MYO15A: variants seen among roughly 807,000 people sequenced by gnomAD.
The protein encoded by MYO15A is unconventional myosin-XV.
MYO15A carries 308 observed loss-of-function variants against 394.6 expected under a neutral mutation model. That is an observed-to-expected ratio of 0.78 (90% CI 0.71 to 0.86). The LOEUF (loss-of-function observed/expected upper bound fraction) is 0.86, where lower values mean the gene tolerates loss of function less well. Among genes scored for constraint, MYO15A ranks in the 40% least tolerant of loss-of-function variants. The probability of loss-of-function intolerance (pLI) is 0.00; values close to 1 mark genes in which losing one functional copy is unlikely to be tolerated. For missense variants in MYO15A, 4,606 were observed against 4,799.1 expected (o/e 0.96, Z 1.19); for synonymous variants, 1,957 against 2,003.8 (o/e 0.98, Z 0.62).
At position 18,121,567 on chromosome 17, in the gene MYO15A, C is replaced by T; in HGVS notation, c.2767C>T (p.Pro923Ser). The T allele has an allele frequency of 6.3e-7, 1 of 1,589,188 alleles. No individual in the cohort carries two copies. The highest frequency in any genetic ancestry group is 8.6e-7 in the Non-Finnish European group (1 of 1,167,912). Residue 923 changes from proline to serine, a missense_variant, in exon 2 of 66, where the codon CCC (proline) becomes TCC (serine). By Grantham distance (74) the Pro-to-Ser change is moderately conservative. Transcript: ENST00000647165. The surrounding 1 kb of genome is among the most constrained non-coding windows in gnomAD (Gnocchi z 5.3). ...PEDSETPWTV[P>S]PLAPSWDVDM... ...GGACTCAGAGACGCCCTGGACTGTGCCCCCACTGGCCCCCAGCTGGGACGT... is the reference window on the plus strand; with the variant it reads ...GGACTCAGAGACGCCCTGGACTGTGTCCCCACTGGCCCCCAGCTGGGACGT...
At chr17:18,123,790 A>G (rs2045982476) in intron 2 of MYO15A, 1 of 157,230 alleles carries the variant, frequency 6.4e-6, no homozygotes, top group East Asian at 1.8e-4. Context: ...CCTGCAGCCC[A>G]AAGGTGGCAT....
In MYO15A at chr17:18,148,134, C is replaced by T; in HGVS notation, c.6615C>T (p.Thr2205=). ...AGCAGGGCTCGGGGGCTGCCCGCAC[C>T]TTACCCCCGACCCAGCTCGAGTGGA... is the stretch of plus-strand genomic sequence containing the variant. ...AQQQGSGAAR[T]LPPTQLEWTA... The change falls in exon 31 of 66, where the codon ACC becomes ACT. Residue 2205 remains threonine (T), a synonymous_variant. Coordinates refer to ENST00000647165, the MANE Select transcript of MYO15A (RefSeq NM_016239.4). This position sits in a 1 kb window ranked among gnomAD's most constrained non-coding sequence, Gnocchi z 4.8. 3 of 1,613,868 alleles carry T rather than the reference C, an allele frequency of 1.9e-6. No individual in the cohort carries two copies. The highest frequency in any genetic ancestry group is 2.5e-6 in the Non-Finnish European group (3 of 1,180,032).
At chr17:18,123,314 C>A (rs1396770321) in intron 2 of MYO15A, 1 of 152,268 alleles carries the variant, frequency 6.6e-6, no homozygotes, top group African/African-American at 2.4e-5. Flanking sequence ...GCTGTGTGGG[C>A]TGCAGCGTTG....
intron 1 of MYO15A, among the ~76,000 whole-genome samples, chr17:18,114,105 TC>T (rs2045756096): frequency 6.6e-6 from 1 of 152,110 alleles, no homozygotes; most frequent in African/African-American, 2.4e-5. Context: ...CTTCCTTCCC[TC>T]CCTCTTGTCC....
chr17:18,158,347 G>A, intron 51 of MYO15A, 176 bp from the exon 52 acceptor site: 1 of 628,118 alleles, frequency 1.6e-6, no homozygotes, highest in Non-Finnish European at 2.8e-6. Context: ...CAAGTAAAAG[G>A]CGTGGGCGGG....
At chr17:18,159,093 G>C in intron 53 of MYO15A, 96 bp downstream of exon 53, 1 of 1,435,820 alleles carries the variant, frequency 7.0e-7, no homozygotes, top group Non-Finnish European at 9.6e-7. Flanking sequence ...TTCTCAGTGA[G>C]ACCCTCTGAT....
chr17:18,153,814 C>A lies in MYO15A; in HGVS notation c.8006C>A (p.Thr2669Lys), dbSNP rs766381236. ...TCGCTGGAGCCCCCTGAGGAACTCA[C>A]GCAGACGCGGCTGCACCGCCTCATC... is the stretch of plus-strand genomic sequence containing the variant. The part of the protein sequence containing the change: ...SRSLEPPEEL[T>K]QTRLHRLINP... The change falls in exon 43 of 66, where the codon ACG becomes AAG. Residue 2669 changes from threonine to lysine, a missense_variant. Physicochemically the swap from Thr to Lys is moderately conservative, Grantham distance 78. Around this residue, in one of 2 missense-constraint regions of MYO15A, gnomAD observed 2,776 missense variants for 3,109.3 expected, o/e 0.89. Transcript: ENST00000647165. The surrounding 1 kb of genome is among the most constrained non-coding windows in gnomAD (Gnocchi z 4.1). 3.1e-6 allele frequency: 5 copies of A among 1,613,800 alleles called. No individual in the cohort carries two copies. Among genetic ancestry groups the A allele is most frequent in the Non-Finnish European group, 4.2e-6 (5 of 1,180,026 alleles).
chr17:18,132,489 T>C lies in MYO15A; in HGVS notation c.4243T>C (p.Leu1415=). The C allele has an allele frequency of 1.2e-6, 2 of 1,613,964 alleles. No homozygotes were observed. Among genetic ancestry groups the C allele is most frequent in the Non-Finnish European group, 1.7e-6 (2 of 1,180,030 alleles). Residue 1415 remains leucine (L), a synonymous_variant, in exon 11 of 66, where the codon TTG becomes CTG. Transcript: ENST00000647165. This position sits in a 1 kb window ranked among gnomAD's most constrained non-coding sequence, Gnocchi z 4.6. ...GAGGAATTACCACATCTTCTACGAGTTGCTGGCCGGGTTGCCTGCCCAGCT... is the reference window on the plus strand; with the variant it reads ...GAGGAATTACCACATCTTCTACGAGCTGCTGGCCGGGTTGCCTGCCCAGCT... ...NERNYHIFYE[L]LAGLPAQLRQ...
At chr17:18,178,635 G>A in intron 65 of MYO15A, 134 bp from the exon 66 acceptor site, 1 of 857,408 alleles carries the variant, frequency 1.2e-6, no homozygotes, top group Admixed American at 2.0e-5. Flanking sequence ...CCCTGGGGGA[G>A]GTGGGGACAA....
chr17:18,127,885 T>C (rs2046081926), intron 7 of MYO15A, among the ~76,000 whole-genome samples: 1 of 149,036 alleles, frequency 6.7e-6, no homozygotes, highest in Non-Finnish European at 1.5e-5. Flanking sequence ...AAATTATGTG[T>C]ATGTGAAAGG....
chr17:18,126,925 C>T, intron 6 of MYO15A, 60 bp downstream of exon 6: 1 of 1,603,872 alleles, frequency 6.2e-7, no homozygotes, highest in Non-Finnish European at 8.5e-7. Flanking sequence ...AGGCCTGCAT[C>T]TGGCCAGAAC....
At position 18,148,313 on chromosome 17, in the gene MYO15A, G is replaced by A; in HGVS notation, c.6691+103G>A. 1 of 1,524,840 alleles carries A rather than the reference G, an allele frequency of 6.6e-7. No homozygotes were observed. The highest frequency in any genetic ancestry group is 8.9e-7 in the Non-Finnish European group (1 of 1,123,830). The allele number at this position is 1,524,840 out of a possible 1,614,324, so 94.5% of individuals were successfully genotyped here. ...ACTGGATGTTCTGGAGCTGGGGAGGGGCCTTCTCAGATGTGGCTCTGCGTG... is the reference window on the plus strand; with the variant it reads ...ACTGGATGTTCTGGAGCTGGGGAGGAGCCTTCTCAGATGTGGCTCTGCGTG... On this transcript the variant is annotated intron_variant, in intron 31 of 65. Transcript: ENST00000647165. The surrounding 1 kb of genome is among the most constrained non-coding windows in gnomAD (Gnocchi z 4.8).
chr17:18,172,623 C>T, intron 64 of MYO15A: 1 of 381,742 alleles, frequency 2.6e-6, no homozygotes, highest in Non-Finnish European at 5.0e-6. Flanking sequence ...TCTCACAATT[C>T]TGGAGGCTGG....
At chr17:18,161,250 C>T (rs922375942) in intron 56 of MYO15A, 67 bp from the exon 57 acceptor site, 2 of 1,585,314 alleles carry the variant, frequency 1.3e-6, no homozygotes, top group African/African-American at 2.7e-5. Context: ...CAGCTCAATC[C>T]CAGGAGGCTC....
At position 18,161,393 on chromosome 17, in the gene MYO15A, C is replaced by A. The variant is rs773783896; in HGVS notation, c.9463C>A (p.His3155Asn). ...YHSCSEVLHP[H>N]LTRFLQDVSR... ...CAGCTGCTCTGAGGTCCTCCACCCA[C>A]ACCTCACTCGCTTCCTCCAAGACGT... Residue 3155 changes from histidine (H) to asparagine (N), a missense_variant, in exon 57 of 66, where the codon CAC (histidine) becomes AAC (asparagine). Physicochemically the swap from His to Asn is moderately conservative, Grantham distance 68. Transcript: ENST00000647165. 1.2e-6 allele frequency: 2 copies of A among 1,613,976 alleles called. No individual in the cohort carries two copies. The highest frequency in any genetic ancestry group is 2.2e-5 in the South Asian group (2 of 91,088).
At chr17:18,154,904 G>T (rs2142380308) in intron 45 of MYO15A, 149 bp downstream of exon 45, 1 of 1,037,362 alleles carries the variant, frequency 9.6e-7, no homozygotes, top group South Asian at 1.4e-5. Flanking sequence ...CCTCTCGCAT[G>T]GCCGGGCTGC....
chr17:18,122,471 A>G, intron 2 of MYO15A, 62 bp downstream of exon 2: 1 of 1,559,624 alleles, frequency 6.4e-7, no homozygotes. Context: ...AGGGCAAGAG[A>G]GACAGCCTGA....
At position 18,138,274 on chromosome 17, in the gene MYO15A, G is replaced by A. The variant is rs1597788210; in HGVS notation, c.5007+28G>A. ...GAGCCGCAGGCACTGTGTGAGCCTA[G>A]TCAGGTCACAGATCTCTCAGCCTCA... On this transcript the variant is annotated intron_variant, in intron 17 of 65. Coordinates refer to ENST00000647165, the MANE Select transcript of MYO15A (RefSeq NM_016239.4). 3.1e-6 allele frequency: 5 copies of A among 1,608,288 alleles called. No homozygotes were observed. In the East Asian group the frequency reaches 8.9e-5, roughly 29 times the overall value.
At chr17:18,137,735 T>C in intron 16 of MYO15A, 56 bp downstream of exon 16, 1 of 1,556,932 alleles carries the variant, frequency 6.4e-7, no homozygotes, top group Non-Finnish European at 8.8e-7. Flanking sequence ...GTGGACCTCC[T>C]TGGAGACAGA....
Sources: gnomAD v4.1 joint callset for allele counts (sites outside exome capture counted in the v4.1 genomes callset) on GRCh38, gnomAD v4.1.1 for gene constraint, gnomAD v4.1.1 regional missense constraint, Gnocchi (gnomAD v3.1) non-coding constraint, MANE v1.5 for transcripts, NCBI Gene and HGNC (gene_info 2026-07-23, HGNC 2026-07-21) for gene names.